SFXN5: variants seen among roughly 807,000 people sequenced by gnomAD.
SFXN5 encodes sideroflexin-5.
Under a neutral mutation model 50.2 loss-of-function variants are expected in SFXN5, and 43 were observed. The ratio of observed to expected loss-of-function variants is 0.86; its 90% CI spans 0.67 to 1.11. The LOEUF (loss-of-function observed/expected upper bound fraction) is 1.11. SFXN5 is among the 50% of genes least tolerant of loss of function. The pLI, the probability that SFXN5 is intolerant of heterozygous loss-of-function variation, is 0.00. For synonymous variants in SFXN5, 203 were observed against 185.8 expected, an observed-to-expected ratio of 1.09 and a Z score of -0.75; for missense variants, 463 against 454.1, an observed-to-expected ratio of 1.02 and a Z score of -0.18.
At chr2:72,976,688 A>G (rs1470177681) in intron 10 of SFXN5, among the ~76,000 whole-genome samples, 1 of 152,208 alleles carries the variant, frequency 6.6e-6, no homozygotes, top group Non-Finnish European at 1.5e-5. Flanking sequence ...CTGTGGTACT[A>G]AAGAAAGTGA....
At chr2:73,013,228 T>C (rs1203137522) in intron 6 of SFXN5, among the ~76,000 whole-genome samples, 2 of 152,058 alleles carry the variant, frequency 1.3e-5, no homozygotes, top group East Asian at 3.8e-4. Flanking sequence ...GCAGCAAAAG[T>C]AGAATTCAGC....
intron 13 of SFXN5, among the ~76,000 whole-genome samples, chr2:72,959,048 G>A (rs1390532104): frequency 1.3e-5 from 2 of 151,942 alleles, no homozygotes; most frequent in East Asian, 1.9e-4. Flanking sequence ...CAACAGCCCC[G>A]GCCTCTTGTT....
At chr2:73,028,744 G>A (rs2105870818) in intron 3 of SFXN5, among the ~76,000 whole-genome samples, 1 of 152,228 alleles carries the variant, frequency 6.6e-6, no homozygotes, top group South Asian at 2.1e-4. Context: ...TGCTCAGTGA[G>A]CCTACACATG....
intron 2 of SFXN5, among the ~76,000 whole-genome samples, chr2:73,057,406 G>A (rs1265490966): frequency 2.0e-5 from 3 of 152,164 alleles, no homozygotes; most frequent in Admixed American, 2.0e-4. Flanking sequence ...CCAAAGTGAT[G>A]AGATTACAGG....
chr2:73,036,275 A>C (rs1347135706), intron 3 of SFXN5, among the ~76,000 whole-genome samples: 3 of 152,144 alleles, frequency 2.0e-5, no homozygotes, highest in African/African-American at 7.2e-5. Context: ...GGCCAGAGGA[A>C]GGTGTAGATT....
chr2:73,058,736 C>A, intron 1 of SFXN5, 140 bp from the exon 2 acceptor site: 1 of 727,182 alleles, frequency 1.4e-6, no homozygotes, highest in Non-Finnish European at 2.3e-6. Context: ...GCCAATGAGG[C>A]CTCAGAAATC....
At position 73,066,551 on chromosome 2, in the gene SFXN5, C is replaced by CT. The variant is rs371361003; in HGVS notation, c.102+5052dup. Among the ~76,000 whole-genome samples the CT allele has an allele frequency of 4.4e-3, 664 of 151,074 alleles. 8 individuals carry two copies. Among genetic ancestry groups the CT allele is most frequent in the African/African-American group, 0.015 (597 of 41,124 alleles). ...CCAGCCTGGGCGACAGAGAGAGACT[C>CT]TGTCTCCAAAAAAAAAAAATAAAAG... On this transcript the variant is annotated intron_variant, in intron 1 of 13. Coordinates refer to ENST00000272433, the MANE Select transcript of SFXN5 (RefSeq NM_144579.3).
chr2:73,023,268 T>A, intron 3 of SFXN5, 54 bp from the exon 4 acceptor site: 1 of 1,526,840 alleles, frequency 6.5e-7, no homozygotes, highest in Non-Finnish European at 8.9e-7. Context: ...AAAGCATATA[T>A]CGGTTTAAGG....
At chr2:73,056,848 C>T (rs542027851) in intron 2 of SFXN5, among the ~76,000 whole-genome samples, 7 of 152,276 alleles carry the variant, frequency 4.6e-5, no homozygotes, top group East Asian at 1.9e-4. Context: ...AAATGTACAA[C>T]GCTTTGAACA....
intron 2 of SFXN5, among the ~76,000 whole-genome samples, chr2:73,052,583 T>C (rs1559209005): frequency 1.5e-5 from 1 of 68,836 alleles, no homozygotes; most frequent in Non-Finnish European, 2.3e-5. Flanking sequence ...TAGTATTGAA[T>C]TGTTATTAAT....
At chr2:73,029,562 C>T (rs986684298) in intron 3 of SFXN5, among the ~76,000 whole-genome samples, 3 of 152,082 alleles carry the variant, frequency 2.0e-5, no homozygotes, top group Non-Finnish European at 2.9e-5. Context: ...GTGACTAAGC[C>T]AGGGCCCCAG....
intron 10 of SFXN5, among the ~76,000 whole-genome samples, chr2:72,972,906 C>T (rs901331347): frequency 6.6e-6 from 1 of 152,156 alleles, no homozygotes; most frequent in African/African-American, 2.4e-5. Context: ...GCTTCCCCCT[C>T]CTTCCAGTGG....
chr2:72,998,921 A>T (rs1423964012), intron 9 of SFXN5, 28 bp downstream of exon 9: 1 of 1,612,640 alleles, frequency 6.2e-7, no homozygotes, highest in Admixed American at 1.7e-5. Flanking sequence ...CAGCAGAGCC[A>T]AGAAGGAGCA....
chr2:73,025,302 C>A (rs756069509), intron 3 of SFXN5, among the ~76,000 whole-genome samples: 1 of 152,084 alleles, frequency 6.6e-6, no homozygotes, highest in African/African-American at 2.4e-5. Flanking sequence ...CCACCCCAGT[C>A]GTAACCTTCT....
intron 13 of SFXN5, among the ~76,000 whole-genome samples, chr2:72,952,454 G>C (rs1024634050): frequency 6.6e-6 from 1 of 152,128 alleles, no homozygotes; most frequent in Non-Finnish European, 1.5e-5. Flanking sequence ...CAGGCAGCTC[G>C]GTATCCCTAT....
chr2:73,041,730 T>A, intron 2 of SFXN5: 1 of 313,524 alleles, frequency 3.2e-6, no homozygotes, highest in South Asian at 2.5e-5. Context: ...TGAGACAACG[T>A]CTTATTTTGT....
At chr2:72,967,575 C>T (rs781102774) in intron 12 of SFXN5, among the ~76,000 whole-genome samples, 2 of 152,096 alleles carry the variant, frequency 1.3e-5, no homozygotes, top group African/African-American at 2.4e-5. Context: ...AAGAAAGTCC[C>T]CAAACAGGGA....
Position 73,043,237 on chromosome 2 carries a change from G to A in SFXN5, c.172-2306C>T, listed in dbSNP as rs1165514294. Reference sequence around the variant, plus strand: ...TGCTGTGTTCCCCTTTTGATGGAGAGATGAGACTGGCTAGGCATGAGAGTG... The same window carrying A: ...TGCTGTGTTCCCCTTTTGATGGAGAAATGAGACTGGCTAGGCATGAGAGTG... On this transcript the variant is annotated intron_variant, in intron 2 of 13. Transcript: ENST00000272433. Among the ~76,000 whole-genome samples, 79 of 152,236 alleles carry A rather than the reference G, an allele frequency of 5.2e-4. 1 individual carries two copies. Among genetic ancestry groups the A allele is most frequent in the Non-Finnish European group, 5.9e-5 (4 of 68,050 alleles).
chr2:73,050,732 T>TC (rs1382685509), intron 2 of SFXN5, among the ~76,000 whole-genome samples: 3 of 152,220 alleles, frequency 2.0e-5, no homozygotes, highest in African/African-American at 7.2e-5. Flanking sequence ...GCACCTGGCT[T>TC]CCTTCTAGCC....
Sources: allele counts gnomAD v4.1 joint callset (sites outside exome capture counted in the v4.1 genomes callset), GRCh38; gene constraint gnomAD v4.1.1; transcripts MANE v1.5; gene names NCBI Gene and HGNC (gene_info 2026-07-23, HGNC 2026-07-21).